Variants in CNTNAP2 observed in about 807,000 individuals in gnomAD.
The protein encoded by CNTNAP2 is contactin associated protein 2, also known as contactin-associated protein-like 2.
CNTNAP2 carries 98 observed loss-of-function variants against 155.2 expected under a neutral mutation model. That is an observed-to-expected ratio of 0.63 (90% CI 0.54 to 0.75). The LOEUF is 0.75. CNTNAP2 is among the 30% of genes least tolerant of loss of function. The pLI is 0.00. For synonymous variants in CNTNAP2, 651 were observed against 631.2 expected (o/e 1.03, Z -0.47); for missense variants, 1,727 against 1,688.1 (o/e 1.02, Z -0.40).
chr7:147,359,108 G>A (rs963791600), intron 9 of CNTNAP2, among the ~76,000 whole-genome samples: 1 of 152,098 alleles, frequency 6.6e-6, no homozygotes, highest in Non-Finnish European at 1.5e-5. Context: ...TTACTTTTCT[G>A]CATCTCATAG....
chr7:146,860,604 T>C, intron 3 of CNTNAP2, among the ~76,000 whole-genome samples: 1 of 152,198 alleles, frequency 6.6e-6, no homozygotes, highest in Non-Finnish European at 1.5e-5. Flanking sequence ...CTCATCCCTA[T>C]GAAGACTGAA....
At chr7:146,482,854 G>T (rs770192864) in intron 1 of CNTNAP2, among the ~76,000 whole-genome samples, 2 of 152,054 alleles carry the variant, frequency 1.3e-5, no homozygotes, top group Non-Finnish European at 2.9e-5. Flanking sequence ...ACATACTCAT[G>T]GTCGAGAAAT....
chr7:146,429,239 T>A (rs913943492), intron 1 of CNTNAP2, among the ~76,000 whole-genome samples: 2 of 147,626 alleles, frequency 1.4e-5, no homozygotes, highest in African/African-American at 5.4e-5. Context: ...ATATGAATTT[T>A]AAAATATTTT....
At chr7:146,468,294 A>G (rs1796744625) in intron 1 of CNTNAP2, among the ~76,000 whole-genome samples, 1 of 152,148 alleles carries the variant, frequency 6.6e-6, no homozygotes, top group Admixed American at 6.6e-5. Flanking sequence ...AGCAGGGAGG[A>G]GTAGAGGGGC....
chr7:147,018,053 TAAAAG>T, intron 3 of CNTNAP2, among the ~76,000 whole-genome samples: 2 of 152,214 alleles, frequency 1.3e-5, no homozygotes, highest in Middle Eastern at 6.8e-3. Context: ...TATTCAATGA[TAAAAG>T]AAAAATATGC....
Position 148,354,005 on chromosome 7 carries a change from G to A in CNTNAP2, c.3476-29644G>A, listed in dbSNP as rs144705430. 5.3e-5 allele frequency among the ~76,000 whole-genome samples: 8 copies of A among 152,206 alleles called. No individual in the cohort carries two copies. In the East Asian group the frequency reaches 1.2e-3, roughly 22 times the overall value. On this transcript the variant is annotated intron_variant, in intron 21 of 23. Transcript: ENST00000361727. The stretch of plus-strand genomic sequence containing the variant: ...GTTTCCTATACTGGGACTAAAGTCT[G>A]GCCAGGAAATTAACTTTTAACCCTA...
intron 15 of CNTNAP2, among the ~76,000 whole-genome samples, chr7:148,019,029 C>T (rs556407176): frequency 4.6e-5 from 7 of 152,310 alleles, no homozygotes; most frequent in Middle Eastern, 6.8e-3. Flanking sequence ...GTTCTGTCCC[C>T]ATCTTGGCTC....
Position 147,433,298 on chromosome 7 carries a change from A to G in CNTNAP2, c.1670+37518A>G, listed in dbSNP as rs190751648. On this transcript the variant is annotated intron_variant, in intron 10 of 23. Coordinates refer to ENST00000361727, the MANE Select transcript of CNTNAP2 (RefSeq NM_014141.6). The stretch of plus-strand genomic sequence containing the variant: ...ACAAATTTGTTTAGGCGATAAATGC[A>G]TTATTATTTTTCTCTACCTCACAAT... Among the ~76,000 whole-genome samples, 301 of 152,316 alleles carry G rather than the reference A, an allele frequency of 2.0e-3. 1 individual carries two copies. Among genetic ancestry groups the G allele is most frequent in the African/African-American group, 6.7e-3 (278 of 41,584 alleles).
intron 1 of CNTNAP2, among the ~76,000 whole-genome samples, chr7:146,187,205 C>T (rs952552775): frequency 3.3e-5 from 5 of 152,156 alleles, no homozygotes; most frequent in Non-Finnish European, 7.3e-5. Context: ...TCCCACCCAA[C>T]TCTGGTAAAT....
At chr7:146,566,683 C>T (rs1013538113) in intron 1 of CNTNAP2, among the ~76,000 whole-genome samples, 1 of 150,980 alleles carries the variant, frequency 6.6e-6, no homozygotes, top group African/African-American at 2.4e-5. Flanking sequence ...GGCGACAGAG[C>T]AAGACTCCGT....
intron 1 of CNTNAP2, among the ~76,000 whole-genome samples, chr7:146,678,373 C>T (rs889519066): frequency 4.6e-5 from 7 of 152,110 alleles, no homozygotes; most frequent in Admixed American, 1.3e-4. Flanking sequence ...CACACCCAGC[C>T]ATAATGTCAT....
At chr7:146,835,764 T>C (rs551735660) in intron 2 of CNTNAP2, among the ~76,000 whole-genome samples, 1 of 152,276 alleles carries the variant, frequency 6.6e-6, no homozygotes, top group African/African-American at 2.4e-5. Context: ...AGGAGTGTTT[T>C]GGGGATGAAA....
chr7:146,530,372 G>A (rs368321310), intron 1 of CNTNAP2, among the ~76,000 whole-genome samples: 1 of 151,888 alleles, frequency 6.6e-6, no homozygotes, highest in East Asian at 1.9e-4. Flanking sequence ...AAACAAAAAT[G>A]GACAAATTGG....
chr7:146,456,906 A>T (rs1171041171), intron 1 of CNTNAP2, among the ~76,000 whole-genome samples: 1 of 152,224 alleles, frequency 6.6e-6, no homozygotes. Flanking sequence ...GGTAGGAAAG[A>T]CAGTCTTAGA....
Position 148,417,070 on chromosome 7 carries a change from TCTTATA to T in CNTNAP2, c.*1459_*1464del, listed in dbSNP as rs1226940835. ...ATTTATCATCATTATATTTCAAGCC[TCTTATA>T]CTTAATAAGCACTTTCTAAAAAGTC... is the stretch of plus-strand genomic sequence containing the variant. On this transcript the variant is annotated 3_prime_UTR_variant, in exon 24 of 24. Coordinates refer to ENST00000361727, the MANE Select transcript of CNTNAP2 (RefSeq NM_014141.6). 2.0e-5 allele frequency: 3 copies of T among 152,180 alleles called. No individual in the cohort carries two copies. The highest frequency in any genetic ancestry group is 7.2e-5 in the African/African-American group (3 of 41,402). 9.4% of individuals were successfully genotyped at this position (152,180 alleles called of 1,614,324 possible).
chr7:146,170,199 G>C (rs532278498), intron 1 of CNTNAP2, among the ~76,000 whole-genome samples: 6 of 151,982 alleles, frequency 3.9e-5, no homozygotes, highest in Non-Finnish European at 8.8e-5. Flanking sequence ...GCTAATTTTT[G>C]TATTTTTAGT....
At chr7:147,778,614 T>C (rs1014256891) in intron 13 of CNTNAP2, among the ~76,000 whole-genome samples, 2 of 152,208 alleles carry the variant, frequency 1.3e-5, no homozygotes, top group African/African-American at 4.8e-5. Flanking sequence ...GTCCCTGAAC[T>C]GGAAAATAAA....
rs572700184 is a variant in CNTNAP2 at position 146,643,809 on chromosome 7, C to T, written c.98-130462C>T. Among the ~76,000 whole-genome samples, 604 of 151,910 alleles carry T rather than the reference C, an allele frequency of 4.0e-3. 4 individuals carry two copies. The highest frequency in any genetic ancestry group is 0.016 in the South Asian group (76 of 4,782). On this transcript the variant is annotated intron_variant, in intron 1 of 23. Coordinates refer to ENST00000361727, the MANE Select transcript of CNTNAP2 (RefSeq NM_014141.6). ...TACCCATGAGTATGGAATGTTCTTC[C>T]ATTTGTTTGTATCCTCTTTTATTTC...
At chr7:147,852,008 A>T (rs1479164233) in intron 13 of CNTNAP2, among the ~76,000 whole-genome samples, 4 of 152,172 alleles carry the variant, frequency 2.6e-5, no homozygotes, top group Non-Finnish European at 5.9e-5. Context: ...CTAGTATAAG[A>T]ACTACTTATC....
Sources: gnomAD v4.1 joint callset for allele counts (sites outside exome capture counted in the v4.1 genomes callset) on GRCh38, gnomAD v4.1.1 for gene constraint, MANE v1.5 for transcripts, NCBI Gene and HGNC (gene_info 2026-07-23, HGNC 2026-07-21) for gene names.